SLC14A2: variants seen among roughly 807,000 people sequenced by gnomAD.
SLC14A2 encodes the protein urea transporter 2.
SLC14A2 carries 91 observed loss-of-function variants against 104.6 expected under a neutral mutation model. The observed-to-expected ratio is 0.87, with a 90% CI of 0.73 to 1.04. SLC14A2 has a LOEUF of 1.04. SLC14A2 is among the 50% of genes least tolerant of loss of function. The pLI, the probability that SLC14A2 is intolerant of heterozygous loss-of-function variation, is 0.00. For synonymous variants in SLC14A2, 476 were observed against 466.4 expected (o/e 1.02, Z -0.27); for missense variants, 1,189 against 1,156.0 (o/e 1.03, Z -0.41).
chr18:45,674,041 C>A (rs1483815807), intron 18 of SLC14A2, among the ~76,000 whole-genome samples: 3 of 152,180 alleles, frequency 2.0e-5, no homozygotes, highest in African/African-American at 7.2e-5. Context: ...AGCAAACTGG[C>A]TGAGCAACTC....
chr18:45,339,808 T>C (rs2085375741), intron 1 of SLC14A2, among the ~76,000 whole-genome samples: 1 of 152,148 alleles, frequency 6.6e-6, no homozygotes, highest in Non-Finnish European at 1.5e-5. Flanking sequence ...AGGGTGACCA[T>C]ATAATTTATT....
At chr18:45,217,690 G>C (rs2084023207) in intron 1 of SLC14A2, among the ~76,000 whole-genome samples, 1 of 152,120 alleles carries the variant, frequency 6.6e-6, no homozygotes, top group African/African-American at 2.4e-5. Context: ...TGAGGATTGG[G>C]ATAACAGCAT....
intron 2 of SLC14A2, among the ~76,000 whole-genome samples, chr18:45,500,881 T>C (rs1027707760): frequency 6.6e-6 from 1 of 152,210 alleles, no homozygotes; most frequent in South Asian, 2.1e-4. Flanking sequence ...GGATCAGCTA[T>C]TGTCTTGTGA....
At chr18:45,617,272 G>T (rs1347901466) in intron 1 of SLC14A2, among the ~76,000 whole-genome samples, 2 of 152,166 alleles carry the variant, frequency 1.3e-5, no homozygotes, top group Admixed American at 1.3e-4. Flanking sequence ...GAATTCCCCT[G>T]CCAGGCTCTG....
At chr18:45,288,989 A>G (rs1035103459) in intron 1 of SLC14A2, among the ~76,000 whole-genome samples, 3 of 152,186 alleles carry the variant, frequency 2.0e-5, no homozygotes, top group Non-Finnish European at 4.4e-5. Context: ...AACCCAGGAT[A>G]TCATTGCCTG....
At chr18:45,200,955 TACC>T in the SLC14A2 span, among the ~76,000 whole-genome samples, 1 of 152,142 alleles carries the variant, frequency 6.6e-6, no homozygotes, top group Admixed American at 6.6e-5. Context: ...CTATCCAGGG[TACC>T]ACATTACATT....
chr18:45,387,907 TG>T (rs1160491924), intron 1 of SLC14A2, among the ~76,000 whole-genome samples: 1 of 151,772 alleles, frequency 6.6e-6, no homozygotes, highest in Non-Finnish European at 1.5e-5. Flanking sequence ...GACTGAAAAG[TG>T]GGGGAATCTC....
intron 1 of SLC14A2, among the ~76,000 whole-genome samples, chr18:45,385,106 TC>T (rs1268869131): frequency 6.6e-6 from 1 of 152,214 alleles, no homozygotes; most frequent in Non-Finnish European, 1.5e-5. Flanking sequence ...CACACTGAAA[TC>T]TGCTCCAATG....
chr18:45,433,839 A>G (rs1407137546), intron 1 of SLC14A2, among the ~76,000 whole-genome samples: 1 of 152,166 alleles, frequency 6.6e-6, no homozygotes, highest in East Asian at 1.9e-4. Context: ...ATAGTTTTAA[A>G]AAGAAAAGAA....
At chr18:45,304,461 C>A (rs1180490793) in intron 1 of SLC14A2, among the ~76,000 whole-genome samples, 1 of 152,168 alleles carries the variant, frequency 6.6e-6, no homozygotes, top group East Asian at 1.9e-4. Context: ...AAGGGATAGG[C>A]AAGTCTGCAC....
chr18:45,267,212 T>C (rs555164031), intron 1 of SLC14A2, among the ~76,000 whole-genome samples: 1 of 152,156 alleles, frequency 6.6e-6, no homozygotes, highest in Non-Finnish European at 1.5e-5. Context: ...TAGGTGGGTA[T>C]GTCACAGCAG....
chr18:45,396,828 C>T (rs1297743969), intron 1 of SLC14A2, among the ~76,000 whole-genome samples: 1 of 151,960 alleles, frequency 6.6e-6, no homozygotes, highest in East Asian at 1.9e-4. Flanking sequence ...TCCCACCCTC[C>T]ACCCTCAAGT....
chr18:45,670,820 C>G (rs1362132492), intron 16 of SLC14A2, among the ~76,000 whole-genome samples: 1 of 152,108 alleles, frequency 6.6e-6, no homozygotes, highest in African/African-American at 2.4e-5. Flanking sequence ...GCCACCAGGC[C>G]CAGCTAATTC....
At chr18:45,389,440 C>T (rs2085936521) in intron 1 of SLC14A2, among the ~76,000 whole-genome samples, 1 of 152,272 alleles carries the variant, frequency 6.6e-6, no homozygotes, top group Middle Eastern at 3.4e-3. Context: ...TCTCATTATT[C>T]ATCAAGTCAT....
At chr18:45,616,387 T>C (rs16978428) in intron 1 of SLC14A2, among the ~76,000 whole-genome samples, 19,346 of 152,232 alleles carry the variant, frequency 0.13, 1,426 homozygotes, top group African/African-American at 0.18. Flanking sequence ...CATATCAAGC[T>C]CAATCAGCAT....
intron 1 of SLC14A2, among the ~76,000 whole-genome samples, chr18:45,294,251 TA>T (rs1346054195): frequency 6.6e-6 from 1 of 152,230 alleles, no homozygotes; most frequent in African/African-American, 2.4e-5. Context: ...ATTAAGCAAG[TA>T]TTACATTTTT....
the SLC14A2 span, among the ~76,000 whole-genome samples, chr18:45,178,501 T>C: frequency 6.6e-6 from 1 of 151,922 alleles, no homozygotes; most frequent in Non-Finnish European, 1.5e-5. Flanking sequence ...TACATTAATA[T>C]GAAATGAAAG....
At chr18:45,483,922 G>C (rs944580678) in intron 2 of SLC14A2, among the ~76,000 whole-genome samples, 1 of 151,376 alleles carries the variant, frequency 6.6e-6, no homozygotes, top group African/African-American at 2.4e-5. Context: ...TGGCATCAGT[G>C]GGGGAGGAGG....
chr18:45,465,163 A>C (rs1363350787), intron 1 of SLC14A2, among the ~76,000 whole-genome samples: 1 of 152,192 alleles, frequency 6.6e-6, no homozygotes, highest in Non-Finnish European at 1.5e-5. Context: ...TCAGAGAGAG[A>C]GAGAAATGCA....
Sources: gnomAD v4.1 joint callset for allele counts (sites outside exome capture counted in the v4.1 genomes callset) on GRCh38, gnomAD v4.1.1 for gene constraint, MANE v1.5 for transcripts, NCBI Gene and HGNC (gene_info 2026-07-23, HGNC 2026-07-21) for gene names.